Variants in VPS13D observed in about 807,000 individuals in gnomAD.
The protein encoded by VPS13D is vacuolar protein sorting 13 homolog D.
VPS13D carries 187 observed loss-of-function variants against 461.9 expected under a neutral mutation model. The ratio of observed to expected loss-of-function variants is 0.40; its 90% CI spans 0.36 to 0.46. The LOEUF (loss-of-function observed/expected upper bound fraction) is 0.46, where lower values mean the gene tolerates loss of function less well. Ranked by LOEUF, VPS13D falls within the 20% of genes least tolerant of loss-of-function variation. The pLI is 0.60. For synonymous variants in VPS13D, 1,951 were observed against 1,986.3 expected, an observed-to-expected ratio of 0.98 and a Z score of 0.47; for missense variants, 4,711 against 5,364.9, an observed-to-expected ratio of 0.88 and a Z score of 3.81.
chr1:12,255,667 C>T (rs937373203), intron 7 of VPS13D, among the ~76,000 whole-genome samples: 4 of 151,098 alleles, frequency 2.6e-5, no homozygotes, highest in South Asian at 2.1e-4. Context: ...CTGAGGTGGG[C>T]GGATCACAAG....
At chr1:12,508,542 T>TAAAAAAAA (rs540771447) in intron 69 of VPS13D, among the ~76,000 whole-genome samples, 1 of 116,272 alleles carries the variant, frequency 8.6e-6, no homozygotes, top group Non-Finnish European at 1.8e-5. Flanking sequence ...CATCTCTACT[T>TAAAAAAAA]AAAAAAAAAA....
intron 48 of VPS13D, 96 bp downstream of exon 48, chr1:12,356,186 T>C: frequency 6.9e-7 from 1 of 1,455,568 alleles, no homozygotes; most frequent in African/African-American, 1.4e-5. Context: ...TGCAAATAGA[T>C]TACTTCAACA....
chr1:12,455,935 A>T (rs1400654706), intron 65 of VPS13D, 63 bp from the exon 66 acceptor site: 2 of 1,525,082 alleles, frequency 1.3e-6, no homozygotes, highest in Non-Finnish European at 1.8e-6. Context: ...ATTTAAAGTA[A>T]TTCAAATAGT....
chr1:12,267,380 A>G (rs1297491635), intron 14 of VPS13D, among the ~76,000 whole-genome samples: 2 of 152,176 alleles, frequency 1.3e-5, no homozygotes, highest in African/African-American at 2.4e-5. Flanking sequence ...CCAAAACAGA[A>G]ACATCTCAAG....
intron 5 of VPS13D, among the ~76,000 whole-genome samples, chr1:12,246,533 C>T (rs544572259): frequency 6.6e-6 from 1 of 152,162 alleles, no homozygotes; most frequent in Non-Finnish European, 1.5e-5. Flanking sequence ...CTTCTTGTCC[C>T]AAGCCTTTCA....
At chr1:12,409,719 C>A (rs1212579227) in intron 63 of VPS13D, 4 of 289,998 alleles carry the variant, frequency 1.4e-5, no homozygotes, top group Non-Finnish European at 2.7e-5. Context: ...AGAAAATAGA[C>A]CCATATCCAG....
At chr1:12,471,472 C>T (rs552615177) in intron 67 of VPS13D, among the ~76,000 whole-genome samples, 1 of 152,314 alleles carries the variant, frequency 6.6e-6, no homozygotes, top group South Asian at 2.1e-4. Flanking sequence ...CCTGCCCTAC[C>T]TTTCCCTGAT....
intron 65 of VPS13D, among the ~76,000 whole-genome samples, chr1:12,440,006 T>C (rs1645109275): frequency 6.6e-6 from 1 of 152,190 alleles, no homozygotes; most frequent in African/African-American, 2.4e-5. Context: ...TGCACATTTG[T>C]AGTGATATGA....
intron 46 of VPS13D, among the ~76,000 whole-genome samples, chr1:12,350,630 T>C (rs28832299): frequency 0.13 from 19,717 of 152,088 alleles, 2,464 homozygotes; most frequent in African/African-American, 0.33. Context: ...AAATGAAGAA[T>C]ATATAAAATT....
chr1:12,414,577 T>C (rs1644771582), intron 63 of VPS13D, among the ~76,000 whole-genome samples: 1 of 152,166 alleles, frequency 6.6e-6, no homozygotes. Context: ...CCTGTAGTGA[T>C]AGATGTCATC....
intron 65 of VPS13D, among the ~76,000 whole-genome samples, chr1:12,443,866 G>A (rs1447648598): frequency 7.9e-6 from 1 of 126,984 alleles, no homozygotes; most frequent in Non-Finnish European, 1.7e-5. Context: ...TTTTTTTCTT[G>A]AGATGGTCTT....
intron 39 of VPS13D, chr1:12,337,394 G>A (rs1353273554): frequency 6.6e-6 from 1 of 152,144 alleles, no homozygotes; most frequent in African/African-American, 2.4e-5. Context: ...AAACTTTCAG[G>A]TCTTATTCAA....
At chr1:12,323,661 T>C in intron 34 of VPS13D, 45 bp from the exon 35 acceptor site, 1 of 1,560,938 alleles carries the variant, frequency 6.4e-7, no homozygotes, top group Non-Finnish European at 8.8e-7. Flanking sequence ...GTAGATTAAT[T>C]TACATAAAAT....
At chr1:12,414,381 A>G (rs1286676544) in intron 63 of VPS13D, among the ~76,000 whole-genome samples, 1 of 152,140 alleles carries the variant, frequency 6.6e-6, no homozygotes, top group East Asian at 1.9e-4. Flanking sequence ...TTCATCAACA[A>G]TGGTGGTTAA....
chr1:12,321,769 T>A lies in VPS13D; in HGVS notation c.7549-40T>A, dbSNP rs770692644. The A allele has an allele frequency of 3.8e-6, 6 of 1,572,546 alleles. No individual in the cohort carries two copies. In the African/African-American group the frequency reaches 6.9e-5, roughly 18 times the overall value. ...TGCTGGTAGTTGGACCCTTCCTAAA[T>A]CAGACATTAATTCTCGCCATATTGC... On this transcript the variant is annotated intron_variant, in intron 32 of 69. Coordinates refer to ENST00000620676, the MANE Select transcript of VPS13D (RefSeq NM_015378.4).
intron 35 of VPS13D, among the ~76,000 whole-genome samples, chr1:12,324,690 A>G (rs949016555): frequency 1.6e-4 from 24 of 152,264 alleles, no homozygotes; most frequent in Non-Finnish European, 2.5e-4. Context: ...CAAAGCACTA[A>G]GAAAGTGCTA....
chr1:12,510,553 G>T lies in VPS13D; in HGVS notation c.*1529G>T, dbSNP rs920440009. 2 of 152,518 alleles carry T rather than the reference G, an allele frequency of 1.3e-5. No individual in the cohort carries two copies. The highest frequency in any genetic ancestry group is 2.9e-5 in the Non-Finnish European group (2 of 69,426). The allele number at this position is 152,518 out of a possible 1,614,324, so 9.4% of individuals were successfully genotyped here. A position where few individuals can be genotyped will look rare whatever the true frequency, so the allele number is the denominator to read the frequency against. ...TGTGTGTGTGTGTGTGTGTGTGTGT[G>T]TGCGCGCGCGCGCGTGCATGCAGAG... is the stretch of plus-strand genomic sequence containing the variant. On this transcript the variant is annotated 3_prime_UTR_variant, in exon 70 of 70. Coordinates refer to ENST00000620676, the MANE Select transcript of VPS13D (RefSeq NM_015378.4).
In VPS13D at chr1:12,318,275, C is replaced by T; in HGVS notation, c.7352C>T (p.Thr2451Ile). ...VPKTVKSGVV[T>I]KRSSLPVSNE... ...AAAACTGTGAAGAGTGGAGTAGTTA[C>T]CAAGCGGTCTTCCCTTCCTGTGTCC... The change falls in exon 31 of 70, where the codon ACC becomes ATC. Residue 2451 changes from threonine (T) to isoleucine (I), a missense_variant. Thr to Ile is a moderately conservative substitution (Grantham distance 89). Transcript: ENST00000620676. 1 of 1,614,002 alleles carries T rather than the reference C, an allele frequency of 6.2e-7. No homozygotes were observed. The highest frequency in any genetic ancestry group is 8.5e-7 in the Non-Finnish European group (1 of 1,179,870).
At position 12,430,860 on chromosome 1, in the gene VPS13D, G is replaced by A. The variant is rs149614635; in HGVS notation, c.12333+14033G>A. On this transcript the variant is annotated intron_variant, in intron 65 of 69. Coordinates refer to ENST00000620676, the MANE Select transcript of VPS13D (RefSeq NM_015378.4). ...AACAAAGCAAAAGGGGGCAAAGCCAGATAGATTTTACCAGCCTGTTTGGAT... is the reference window on the plus strand; with the variant it reads ...AACAAAGCAAAAGGGGGCAAAGCCAAATAGATTTTACCAGCCTGTTTGGAT... Among the ~76,000 whole-genome samples, 622 of 152,358 alleles carry A rather than the reference G, an allele frequency of 4.1e-3. 4 individuals carry two copies. Among genetic ancestry groups the A allele is most frequent in the Admixed American group, 6.6e-3 (101 of 15,296 alleles).
Sources: gnomAD v4.1 joint callset for allele counts (sites outside exome capture counted in the v4.1 genomes callset) on GRCh38, gnomAD v4.1.1 for gene constraint, MANE v1.5 for transcripts, NCBI Gene and HGNC (gene_info 2026-07-23, HGNC 2026-07-21) for gene names.